RASGEF1C: variants seen among roughly 807,000 people sequenced by gnomAD.
The protein encoded by RASGEF1C is RasGEF domain family member 1C.
In RASGEF1C, 27 loss-of-function variants were observed where a neutral mutation model predicts 58.1. The ratio of observed to expected loss-of-function variants is 0.46; its 90% CI spans 0.34 to 0.64. The LOEUF (loss-of-function observed/expected upper bound fraction) is 0.64. Ranked by LOEUF, RASGEF1C falls within the 30% of genes least tolerant of loss-of-function variation. The pLI is 0.01. For synonymous variants in RASGEF1C, 243 were observed against 246.3 expected, an observed-to-expected ratio of 0.99 and a Z score of 0.13; for missense variants, 502 against 605.1, an observed-to-expected ratio of 0.83 and a Z score of 1.79.
At chr5:180,190,421 C>A (rs7717453) in intron 1 of RASGEF1C, among the ~76,000 whole-genome samples, 2 of 144,250 alleles carry the variant, frequency 1.4e-5, no homozygotes, top group Non-Finnish European at 3.0e-5. Context: ...ACCTGGGAGG[C>A]GGAGCTTGCA....
At position 180,137,819 on chromosome 5, in the gene RASGEF1C, C is replaced by G. The variant is rs921059172; in HGVS notation, c.177+57G>C. Reference sequence around the variant, plus strand: ...CCCAAGGTCACGCCCAACCCTGATGCCCCCCGTGCGTGGTGGAGGAGAGCC... The same window carrying G: ...CCCAAGGTCACGCCCAACCCTGATGGCCCCCGTGCGTGGTGGAGGAGAGCC... On this transcript the variant is annotated intron_variant, in intron 2 of 13. Transcript: ENST00000361132. The surrounding 1 kb of genome is among the most constrained non-coding windows in gnomAD (Gnocchi z 4.1). The G allele has an allele frequency of 4.4e-6, 7 of 1,601,358 alleles. 1 individual carries two copies. Among genetic ancestry groups the G allele is most frequent in the Non-Finnish European group, 6.0e-6 (7 of 1,174,472 alleles).
chr5:180,141,698 T>C (rs1481483523), intron 1 of RASGEF1C, among the ~76,000 whole-genome samples: 2 of 149,966 alleles, frequency 1.3e-5, no homozygotes, highest in Admixed American at 1.4e-4. Flanking sequence ...ATACATTTTA[T>C]GTTATGTGTA....
At position 180,138,078 on chromosome 5, in the gene RASGEF1C, T is replaced by C. The variant is rs770157318; in HGVS notation, c.-6-20A>G. The stretch of plus-strand genomic sequence containing the variant: ...GTCTGCCTGCAATGGCAAGGAGCAG[T>C]GAGGACCTGAGTGGGGGCACACCTG... On this transcript the variant is annotated intron_variant, in intron 1 of 13. Transcript: ENST00000361132. 3 of 1,414,412 alleles carry C rather than the reference T, an allele frequency of 2.1e-6. No homozygotes were observed. The South Asian group carries it at 4.4e-5, about 21-fold the overall frequency. 87.6% of individuals were successfully genotyped at this position (1,414,412 alleles called of 1,614,324 possible).
chr5:180,113,301 G>T (rs1765999104), intron 11 of RASGEF1C, among the ~76,000 whole-genome samples: 2 of 76,088 alleles, frequency 2.6e-5, no homozygotes, highest in African/African-American at 1.1e-4. Context: ...ATGGACGGAG[G>T]GACCGGGGAT....
In RASGEF1C at chr5:180,138,648, C is replaced by T. The variant is rs373904541; in HGVS notation, c.-6-590G>A. Reference sequence around the variant, plus strand: ...ATGGACTTCTCCATCACATGTGCCTCTTTAAGTTGGGGTTCTCTCAGGTAC... The same window carrying T: ...ATGGACTTCTCCATCACATGTGCCTTTTTAAGTTGGGGTTCTCTCAGGTAC... On this transcript the variant is annotated intron_variant, in intron 1 of 13. Coordinates refer to ENST00000361132, the MANE Select transcript of RASGEF1C (RefSeq NM_175062.4). Among the ~76,000 whole-genome samples the T allele has an allele frequency of 5.6e-4, 86 of 152,318 alleles. 1 individual carries two copies. The highest frequency in any genetic ancestry group is 1.8e-3 in the African/African-American group (74 of 41,582).
intron 1 of RASGEF1C, among the ~76,000 whole-genome samples, chr5:180,183,741 T>G (rs189089143): frequency 1.3e-4 from 20 of 151,820 alleles, no homozygotes; most frequent in African/African-American, 4.3e-4. Flanking sequence ...GAGAATCGCT[T>G]GAACCAGGAG....
At chr5:180,152,644 C>G (rs1766777495) in intron 1 of RASGEF1C, among the ~76,000 whole-genome samples, 1 of 150,206 alleles carries the variant, frequency 6.7e-6, no homozygotes, top group African/African-American at 2.5e-5. Flanking sequence ...AGCACACCAA[C>G]ATGGCACATG....
At chr5:180,200,273 T>C (rs188123716) in intron 1 of RASGEF1C, among the ~76,000 whole-genome samples, 5 of 151,208 alleles carry the variant, frequency 3.3e-5, no homozygotes, top group Admixed American at 2.6e-4. Context: ...AATTGATGGA[T>C]TTATTTAATA....
chr5:180,190,415 G>A (rs1321496711), intron 1 of RASGEF1C, among the ~76,000 whole-genome samples: 4 of 148,992 alleles, frequency 2.7e-5, no homozygotes, highest in East Asian at 4.0e-4. Flanking sequence ...GCGTGAACCT[G>A]GGAGGCGGAG....
intron 12 of RASGEF1C, among the ~76,000 whole-genome samples, chr5:180,103,145 T>G (rs895551157): frequency 6.6e-6 from 1 of 152,218 alleles, no homozygotes; most frequent in African/African-American, 2.4e-5. Flanking sequence ...TGGCGCGATC[T>G]CGGCTCACTG....
rs530685814 is a variant in RASGEF1C, at chr5:180,114,882, G to A, written c.1084-341C>T. Among the ~76,000 whole-genome samples, 75 of 152,344 alleles carry A rather than the reference G, an allele frequency of 4.9e-4. 1 individual carries two copies. The highest frequency in any genetic ancestry group is 4.5e-3 in the Admixed American group (69 of 15,302). On this transcript the variant is annotated intron_variant, in intron 10 of 13. Transcript: ENST00000361132. ...ATTCCTTCCACTGCCTTCTGGGAGG[G>A]GCTGGTAGGTCTCCACTACCCCCAT...
chr5:180,105,561 CA>C (rs139192683), intron 12 of RASGEF1C, among the ~76,000 whole-genome samples: 394 of 117,716 alleles, frequency 3.3e-3, no homozygotes, highest in East Asian at 0.016. Context: ...GACTCTGTCT[CA>C]AAAAAAAAAA....
At chr5:180,208,075 G>GC (rs957794512) in intron 1 of RASGEF1C, among the ~76,000 whole-genome samples, 4 of 152,106 alleles carry the variant, frequency 2.6e-5, no homozygotes, top group Admixed American at 6.5e-5. Flanking sequence ...GACAACCCTA[G>GC]CCCCCCTCCA....
chr5:180,107,890 G>T (rs943970744), intron 12 of RASGEF1C, among the ~76,000 whole-genome samples: 2 of 152,216 alleles, frequency 1.3e-5, no homozygotes, highest in African/African-American at 4.8e-5. Context: ...CCAAAGTGCT[G>T]AGATTACAGG....
At chr5:180,173,127 T>A (rs1767140196) in intron 1 of RASGEF1C, among the ~76,000 whole-genome samples, 1 of 152,236 alleles carries the variant, frequency 6.6e-6, no homozygotes, top group Non-Finnish European at 1.5e-5. Flanking sequence ...ATGGGTTGCA[T>A]AATGCCCTTT....
chr5:180,189,626 G>A (rs1293739061), intron 1 of RASGEF1C, among the ~76,000 whole-genome samples: 3 of 152,146 alleles, frequency 2.0e-5, no homozygotes, highest in South Asian at 2.1e-4. Flanking sequence ...TGGTTATTTC[G>A]GCCGTGCCTG....
At chr5:180,159,665 T>C (rs548534178) in intron 1 of RASGEF1C, among the ~76,000 whole-genome samples, 1 of 152,312 alleles carries the variant, frequency 6.6e-6, no homozygotes, top group East Asian at 1.9e-4. Context: ...AGGTAGGCCA[T>C]TTGGGGGAAC....
intron 1 of RASGEF1C, among the ~76,000 whole-genome samples, chr5:180,138,878 A>G (rs1378936677): frequency 2.0e-5 from 3 of 151,652 alleles, no homozygotes; most frequent in African/African-American, 4.8e-5. Flanking sequence ...TCACTCCCCT[A>G]TCCCTCCAGG....
chr5:180,147,017 AT>A (rs963024271), intron 1 of RASGEF1C, among the ~76,000 whole-genome samples: 6 of 151,208 alleles, frequency 4.0e-5, no homozygotes, highest in Admixed American at 6.6e-5. Flanking sequence ...ACGGTTTCTA[AT>A]TTTTTTTTCA....
Sources: gnomAD v4.1 joint callset for allele counts (sites outside exome capture counted in the v4.1 genomes callset) on GRCh38, gnomAD v4.1.1 for gene constraint, Gnocchi (gnomAD v3.1) non-coding constraint, MANE v1.5 for transcripts, NCBI Gene and HGNC (gene_info 2026-07-23, HGNC 2026-07-21) for gene names.